PCDH11X: variants seen among roughly 807,000 people sequenced by gnomAD.
PCDH11X encodes the protein protocadherin-11 X-linked.
A neutral mutation model predicts 53.3 loss-of-function variants in PCDH11X; 18 were observed. That is an observed-to-expected ratio of 0.34 (90% CI 0.23 to 0.50). The LOEUF (loss-of-function observed/expected upper bound fraction) is 0.50. PCDH11X is among the 20% of genes least tolerant of loss of function. PCDH11X has a pLI of 0.98. For missense variants in PCDH11X, 570 were observed against 1,032.4 expected, an observed-to-expected ratio of 0.55 and a Z score of 6.14; for synonymous variants, 279 against 393.3, an observed-to-expected ratio of 0.71 and a Z score of 3.44.
intron 10 of PCDH11X, among the ~76,000 whole-genome samples, chrX:92,530,380 A>C (rs2074532805): frequency 9.1e-6 from 1 of 109,810 alleles, no homozygotes; most frequent in Admixed American, 9.8e-5. Context: ...CAGGCCTTGC[A>C]TTGTTGTTAT....
At chrX:92,496,538 T>A (rs2073863074) in intron 10 of PCDH11X, among the ~76,000 whole-genome samples, 1 of 104,023 alleles carries the variant, frequency 9.6e-6, no homozygotes, top group African/African-American at 3.7e-5. Context: ...AAGCCTTTTT[T>A]CAGAGATGTA....
chrX:92,031,096 C>A (rs1389196976), intron 6 of PCDH11X, among the ~76,000 whole-genome samples: 9 of 111,269 alleles, frequency 8.1e-5, no homozygotes, highest in Non-Finnish European at 1.5e-4. Flanking sequence ...AATTTACATT[C>A]CCACTAACAG....
intron 6 of PCDH11X, among the ~76,000 whole-genome samples, chrX:91,934,437 A>G (rs1602521186): frequency 9.0e-6 from 1 of 111,062 alleles, no homozygotes; most frequent in Non-Finnish European, 1.9e-5. Flanking sequence ...CTTGAGACTT[A>G]TAGGTCACTC....
At chrX:92,130,589 G>A (rs1428869167) in intron 6 of PCDH11X, among the ~76,000 whole-genome samples, 11 of 106,119 alleles carry the variant, frequency 1.0e-4, no homozygotes, top group Non-Finnish European at 1.9e-4. Flanking sequence ...GGCAGAGGTT[G>A]TGGTGAGCCG....
intron 6 of PCDH11X, among the ~76,000 whole-genome samples, chrX:92,174,814 G>T (rs902569687): frequency 2.7e-5 from 3 of 111,268 alleles, no homozygotes; most frequent in African/African-American, 9.8e-5. Flanking sequence ...AGACCTAGAG[G>T]CTCAACTATA....
intron 6 of PCDH11X, among the ~76,000 whole-genome samples, chrX:91,894,363 G>T (rs1293684262): frequency 1.8e-5 from 2 of 111,802 alleles, no homozygotes; most frequent in African/African-American, 3.2e-5. Context: ...GACTAGATAT[G>T]AAGACAAGAC....
chrX:92,272,002 A>C (rs900946783), intron 8 of PCDH11X, among the ~76,000 whole-genome samples: 3 of 112,088 alleles, frequency 2.7e-5, no homozygotes, highest in African/African-American at 9.7e-5. Context: ...TTGACAATAC[A>C]TGATGGTATT....
intron 7 of PCDH11X, among the ~76,000 whole-genome samples, chrX:92,247,629 C>T (rs1254475723): frequency 8.9e-6 from 1 of 111,851 alleles, no homozygotes; most frequent in Admixed American, 9.6e-5. Context: ...GTTGCACTGG[C>T]TGTCCTTGGC....
At chrX:92,248,109 C>G (rs758506392) in intron 7 of PCDH11X, among the ~76,000 whole-genome samples, 1 of 111,588 alleles carries the variant, frequency 9.0e-6, no homozygotes, top group Non-Finnish European at 1.9e-5. Context: ...GAGTTTGAAA[C>G]AGAGAGAATA....
At chrX:91,794,942 G>T (rs1439905104) in intron 1 of PCDH11X, among the ~76,000 whole-genome samples, 1 of 109,059 alleles carries the variant, frequency 9.2e-6, no homozygotes, top group Admixed American at 1.0e-4. Context: ...AAAAATGGGA[G>T]TTTCTCTGCA....
chrX:92,185,896 A>G (rs1225553474), intron 6 of PCDH11X, among the ~76,000 whole-genome samples: 1 of 111,622 alleles, frequency 9.0e-6, no homozygotes, highest in Non-Finnish European at 1.9e-5. Flanking sequence ...GGGAACTTTT[A>G]TAGGCTTTTG....
intron 7 of PCDH11X, among the ~76,000 whole-genome samples, chrX:92,258,608 C>T (rs972176882): frequency 1.8e-5 from 2 of 111,000 alleles, no homozygotes; most frequent in Non-Finnish European, 3.8e-5. Context: ...ACCTCGTGAT[C>T]CACCTGCCTC....
chrX:92,438,325 C>T (rs1569486624), intron 9 of PCDH11X, among the ~76,000 whole-genome samples: 1 of 111,462 alleles, frequency 9.0e-6, no homozygotes, highest in Non-Finnish European at 1.9e-5. Context: ...CTGTTGCTTT[C>T]ACTCAAAGCA....
At chrX:92,433,696 T>G (rs2755016) in intron 9 of PCDH11X, among the ~76,000 whole-genome samples, 21 of 111,537 alleles carry the variant, frequency 1.9e-4, no homozygotes, top group Middle Eastern at 4.7e-3. Context: ...TCCTATAAAA[T>G]GGATATAACA....
intron 10 of PCDH11X, among the ~76,000 whole-genome samples, chrX:92,562,756 C>A (rs2075150983): frequency 9.1e-6 from 1 of 110,178 alleles, no homozygotes; most frequent in Non-Finnish European, 1.9e-5. Context: ...GCCAGGGGCA[C>A]AATGCAACCA....
intron 10 of PCDH11X, among the ~76,000 whole-genome samples, chrX:92,488,440 C>A (rs1253490172): frequency 1.8e-5 from 2 of 110,252 alleles, no homozygotes; most frequent in African/African-American, 6.6e-5. Context: ...ATGTAGCAAT[C>A]ATTTGTCTAT....
chrX:92,293,415 G>C (rs1213135188), intron 8 of PCDH11X, among the ~76,000 whole-genome samples: 1 of 109,928 alleles, frequency 9.1e-6, no homozygotes, highest in African/African-American at 3.3e-5. Flanking sequence ...ATGAGGTCAG[G>C]AGATCGAGAC....
chrX:92,171,216 C>G (rs2065820682), intron 6 of PCDH11X, among the ~76,000 whole-genome samples: 1 of 104,694 alleles, frequency 9.6e-6, no homozygotes, highest in African/African-American at 3.4e-5. Flanking sequence ...AACAAGGAAA[C>G]TGAGATTCAG....
At chrX:92,478,641 T>A (rs2073439605) in intron 10 of PCDH11X, among the ~76,000 whole-genome samples, 1 of 111,958 alleles carries the variant, frequency 8.9e-6, no homozygotes, top group African/African-American at 3.2e-5. Flanking sequence ...AAGTCATTCA[T>A]GACCTGAGCA....
Sources: gnomAD v4.1 joint callset for allele counts (sites outside exome capture counted in the v4.1 genomes callset) on GRCh38, gnomAD v4.1.1 for gene constraint, MANE v1.5 for transcripts, NCBI Gene and HGNC (gene_info 2026-07-23, HGNC 2026-07-21) for gene names.